Variants in EPB41L4B observed in about 807,000 individuals in gnomAD.
EPB41L4B encodes erythrocyte membrane protein band 4.1 like 4B.
Under a neutral mutation model 112.5 loss-of-function variants are expected in EPB41L4B, and 30 were observed. The observed-to-expected ratio is 0.27, with a 90% confidence interval of 0.20 to 0.36. The LOEUF (loss-of-function observed/expected upper bound fraction) is 0.36, where lower values mean the gene tolerates loss of function less well. Among genes scored for constraint, EPB41L4B ranks in the 10% least tolerant of loss-of-function variants. EPB41L4B has a pLI of 1.00. For synonymous variants in EPB41L4B, 408 were observed against 439.7 expected, an observed-to-expected ratio of 0.93 and a Z score of 0.90; for missense variants, 1,024 against 1,133.3, an observed-to-expected ratio of 0.90 and a Z score of 1.38.
At chr9:109,206,562 G>T (rs1832998816) in intron 18 of EPB41L4B, among the ~76,000 whole-genome samples, 1 of 152,208 alleles carries the variant, frequency 6.6e-6, no homozygotes, top group Non-Finnish European at 1.5e-5. Flanking sequence ...AGGATGACAA[G>T]TGGGCTTCCA....
At chr9:109,211,865 G>C (rs1220622645) in intron 17 of EPB41L4B, among the ~76,000 whole-genome samples, 1 of 148,512 alleles carries the variant, frequency 6.7e-6, no homozygotes, top group Non-Finnish European at 1.5e-5. Context: ...ACAGGTGCCC[G>C]CCACCACAAC....
At chr9:109,280,758 T>G (rs1363802310) in intron 1 of EPB41L4B, among the ~76,000 whole-genome samples, 1 of 151,346 alleles carries the variant, frequency 6.6e-6, no homozygotes, top group Non-Finnish European at 1.5e-5. Context: ...TCATTCTCAA[T>G]GGATCCAAAC....
chr9:109,188,945 C>T (rs1057115592), intron 22 of EPB41L4B, among the ~76,000 whole-genome samples: 10 of 152,290 alleles, frequency 6.6e-5, no homozygotes, highest in South Asian at 6.2e-4. Context: ...GAAGCTAGCA[C>T]GGTAGACTTG....
At chr9:109,263,637 G>A (rs952367716) in intron 5 of EPB41L4B, among the ~76,000 whole-genome samples, 1 of 152,304 alleles carries the variant, frequency 6.6e-6, no homozygotes, top group Middle Eastern at 3.4e-3. Flanking sequence ...TCATTCATAC[G>A]TAATATTTCA....
At chr9:109,194,831 C>T (rs934497968) in intron 20 of EPB41L4B, among the ~76,000 whole-genome samples, 3 of 152,172 alleles carry the variant, frequency 2.0e-5, no homozygotes, top group African/African-American at 7.2e-5. Context: ...ATCAATTCCA[C>T]TTTCTGTCCC....
chr9:109,196,700 G>T (rs1832652337), intron 20 of EPB41L4B, among the ~76,000 whole-genome samples: 1 of 136,924 alleles, frequency 7.3e-6, no homozygotes. Context: ...TTGGGCAACA[G>T]AGTGAGGCCT....
At chr9:109,309,117 T>C (rs1205630138) in intron 1 of EPB41L4B, among the ~76,000 whole-genome samples, 1 of 151,794 alleles carries the variant, frequency 6.6e-6, no homozygotes, top group African/African-American at 2.4e-5. Flanking sequence ...TTTAAAATAA[T>C]CAGGAAAGGG....
intron 14 of EPB41L4B, among the ~76,000 whole-genome samples, chr9:109,245,302 C>T (rs1449440435): frequency 6.6e-6 from 1 of 152,206 alleles, no homozygotes; most frequent in Admixed American, 6.5e-5. Context: ...TCTATGTTTT[C>T]CTCTGGCTTT....
At chr9:109,250,547 A>G (rs1007933766) in intron 13 of EPB41L4B, among the ~76,000 whole-genome samples, 3 of 152,238 alleles carry the variant, frequency 2.0e-5, no homozygotes, top group Non-Finnish European at 4.4e-5. Context: ...CTCACATGAC[A>G]GCTTGTCTAC....
At chr9:109,249,698 G>A (rs1302378497) in intron 13 of EPB41L4B, among the ~76,000 whole-genome samples, 1 of 152,026 alleles carries the variant, frequency 6.6e-6, no homozygotes, top group Non-Finnish European at 1.5e-5. Context: ...AGCTAAGAAA[G>A]GTACAGATAC....
chr9:109,214,467 CAT>C (rs1273943564), intron 16 of EPB41L4B, among the ~76,000 whole-genome samples: 1 of 152,140 alleles, frequency 6.6e-6, no homozygotes, highest in Non-Finnish European at 1.5e-5. Flanking sequence ...ATGACGGACA[CAT>C]GTGGAGATAT....
At chr9:109,216,703 T>C (rs1377178446) in intron 16 of EPB41L4B, among the ~76,000 whole-genome samples, 1 of 151,366 alleles carries the variant, frequency 6.6e-6, no homozygotes, top group African/African-American at 2.4e-5. Context: ...TGTGACCCTA[T>C]AATGAAATTA....
At position 109,253,159 on chromosome 9, in the gene EPB41L4B, C is replaced by T. The variant is rs1050837407; in HGVS notation, c.1279+282G>A. Among the ~76,000 whole-genome samples, 6 of 152,068 alleles carry T rather than the reference C, an allele frequency of 3.9e-5. 1 individual carries two copies. Among genetic ancestry groups the T allele is most frequent in the Admixed American group, 2.0e-4 (3 of 15,264 alleles). On this transcript the variant is annotated intron_variant, in intron 12 of 25. Coordinates refer to ENST00000374566, the MANE Select transcript of EPB41L4B (RefSeq NM_019114.5). Reference sequence around the variant, plus strand: ...TTTCCCTGTGATATTCCTGAGGTACCGGGGCTTGAGCCCAGGTCTAAAAGA... The same window carrying T: ...TTTCCCTGTGATATTCCTGAGGTACTGGGGCTTGAGCCCAGGTCTAAAAGA...
Position 109,251,470 on chromosome 9 carries a change from A to G in EPB41L4B, c.1310+11T>C, listed in dbSNP as rs1175851182. 39 of 1,612,642 alleles carry G rather than the reference A, an allele frequency of 2.4e-5. No homozygotes were observed. The highest frequency in any genetic ancestry group is 3.1e-5 in the Non-Finnish European group (36 of 1,178,706). On this transcript the variant is annotated intron_variant, in intron 13 of 25. Coordinates refer to ENST00000374566, the MANE Select transcript of EPB41L4B (RefSeq NM_019114.5). ...GAGGAGAGCTGTGCTCTAGAGCTCA[A>G]GGACACTCACCAGAGCTGGGCTGCT...
At chr9:109,278,555 A>G (rs1215161797) in intron 2 of EPB41L4B, among the ~76,000 whole-genome samples, 1 of 152,184 alleles carries the variant, frequency 6.6e-6, no homozygotes, top group Non-Finnish European at 1.5e-5. Flanking sequence ...GAAGTATCTG[A>G]TAAGTATCTT....
chr9:109,272,992 C>G (rs1267143904), intron 2 of EPB41L4B, among the ~76,000 whole-genome samples: 1 of 152,104 alleles, frequency 6.6e-6, no homozygotes, highest in Admixed American at 6.5e-5. Context: ...GGTTTCCACA[C>G]CACGGACTAG....
chr9:109,247,791 TAAACAAAC>T lies in EPB41L4B; in HGVS notation c.1311-10_1311-3del, dbSNP rs760644996. The T allele has an allele frequency of 2.0e-6, 3 of 1,494,026 alleles. No homozygotes were observed. Among genetic ancestry groups the T allele is most frequent in the Admixed American group, 2.4e-5 (1 of 42,434 alleles). The allele number at this position is 1,494,026 out of a possible 1,614,324, so 92.5% of individuals were successfully genotyped here. Reference sequence around the variant, plus strand: ...TGGACTTCTGGATTTGTTTTAGAGCTAAACAAACAAACAAACAAAAAACAGAAAAAAAA... The same window carrying T: ...TGGACTTCTGGATTTGTTTTAGAGCTAAACAAACAAAAAACAGAAAAAAAA... On this transcript the variant is annotated splice_polypyrimidine_tract_variant and splice_region_variant and intron_variant, in intron 13 of 25. Transcript: ENST00000374566.
At chr9:109,287,282 C>A (rs1836325178) in intron 1 of EPB41L4B, among the ~76,000 whole-genome samples, 1 of 152,098 alleles carries the variant, frequency 6.6e-6, no homozygotes, top group South Asian at 2.1e-4. Context: ...AACTGCCCCC[C>A]AAAATAAATG....
At chr9:109,272,869 T>A (rs1002063472) in intron 2 of EPB41L4B, among the ~76,000 whole-genome samples, 3 of 152,192 alleles carry the variant, frequency 2.0e-5, no homozygotes, top group African/African-American at 4.8e-5. Flanking sequence ...TGGAGTTTAC[T>A]GTATCACATC....
Sources: allele counts gnomAD v4.1 joint callset (sites outside exome capture counted in the v4.1 genomes callset), GRCh38; gene constraint gnomAD v4.1.1; transcripts MANE v1.5; gene names NCBI Gene and HGNC (gene_info 2026-07-23, HGNC 2026-07-21).